VTI1A: variants seen among roughly 807,000 people sequenced by gnomAD.
VTI1A encodes the protein vesicle transport through interaction with t-SNAREs 1A.
A neutral mutation model predicts 34.9 loss-of-function variants in VTI1A; 22 were observed. That is an observed-to-expected ratio of 0.63 (90% CI 0.45 to 0.90). The LOEUF is 0.90. Among genes scored for constraint, VTI1A ranks in the 40% least tolerant of loss-of-function variants. The pLI is 0.00. For missense variants in VTI1A, 268 were observed against 275.6 expected, an observed-to-expected ratio of 0.97 and a Z score of 0.20; for synonymous variants, 87 against 97.3, an observed-to-expected ratio of 0.89 and a Z score of 0.62.
intron 7 of VTI1A, among the ~76,000 whole-genome samples, chr10:112,698,515 T>C (rs1848874384): frequency 6.6e-6 from 1 of 152,230 alleles, no homozygotes; most frequent in Non-Finnish European, 1.5e-5. Flanking sequence ...TAATAATTTA[T>C]TGTGTTAAGT....
chr10:112,817,100 C>T lies in VTI1A; in HGVS notation c.*1717C>T, dbSNP rs576615083. On this transcript the variant is annotated 3_prime_UTR_variant, in exon 8 of 8. Coordinates refer to ENST00000393077, the MANE Select transcript of VTI1A (RefSeq NM_145206.4). ...TGTATTCTGATAACGGAATGCTGTA[C>T]GTGCTGACCACATCTAAGAACCATT... is the stretch of plus-strand genomic sequence containing the variant. The T allele has an allele frequency of 3.9e-5, 9 of 232,472 alleles. No homozygotes were observed. The South Asian group carries it at 1.4e-3, about 37-fold the overall frequency. 14.4% of individuals were successfully genotyped at this position (232,472 alleles called of 1,614,324 possible). A position where few individuals can be genotyped will look rare whatever the true frequency, so the allele number is the denominator to read the frequency against.
intron 5 of VTI1A, among the ~76,000 whole-genome samples, chr10:112,651,192 G>A (rs1411347259): frequency 6.6e-6 from 1 of 152,110 alleles, no homozygotes; most frequent in Middle Eastern, 3.2e-3. Context: ...CTTCCTTCAT[G>A]CTTAAGTGAC....
rs138823380 is a variant in VTI1A, at chr10:112,737,066, T to C, written c.560+68068T>C. ...ACATAGTGGACAATTTTTTTTCTTT[T>C]TTTTTCTTTTTCTTTTTTTTTTTGA... On this transcript the variant is annotated intron_variant, in intron 7 of 7. Transcript: ENST00000393077. 837 of 416,534 alleles carry C rather than the reference T, an allele frequency of 2.0e-3. 9 individuals are homozygous for C. The highest frequency in any genetic ancestry group is 0.016 in the African/African-American group (781 of 49,930). The allele number at this position is 416,534 out of a possible 1,614,324, so 25.8% of individuals were successfully genotyped here.
chr10:112,488,894 A>G (rs978449545), intron 3 of VTI1A, among the ~76,000 whole-genome samples: 1 of 152,106 alleles, frequency 6.6e-6, no homozygotes, highest in Admixed American at 6.5e-5. Flanking sequence ...GTTTTTTTTA[A>G]TTAAAGGAAA....
At position 112,612,143 on chromosome 10, in the gene VTI1A, C is replaced by A. The variant is rs538423247; in HGVS notation, c.428-56075C>A. The stretch of plus-strand genomic sequence containing the variant: ...AGCCATTTTATCGTAAGTTTGAAAA[C>A]TGAGGTATCAGGATTTTCATGTGAC... On this transcript the variant is annotated intron_variant, in intron 5 of 7. Coordinates refer to ENST00000393077, the MANE Select transcript of VTI1A (RefSeq NM_145206.4). Among the ~76,000 whole-genome samples, 3 of 152,180 alleles carry A rather than the reference C, an allele frequency of 2.0e-5. No homozygotes were observed. The South Asian group carries it at 6.2e-4, about 32-fold the overall frequency.
intron 3 of VTI1A, among the ~76,000 whole-genome samples, chr10:112,504,617 A>G (rs1480665651): frequency 6.6e-6 from 1 of 152,188 alleles, no homozygotes; most frequent in Non-Finnish European, 1.5e-5. Flanking sequence ...ACTCTGAACT[A>G]TGTCATTTTT....
At chr10:112,556,553 C>A (rs769184326) in intron 5 of VTI1A, among the ~76,000 whole-genome samples, 2 of 151,924 alleles carry the variant, frequency 1.3e-5, no homozygotes, top group Admixed American at 1.3e-4. Context: ...CATTAATGCT[C>A]ATTAATTTTT....
chr10:112,473,036 T>G (rs1848150744), intron 3 of VTI1A, among the ~76,000 whole-genome samples: 1 of 151,860 alleles, frequency 6.6e-6, no homozygotes, highest in Non-Finnish European at 1.5e-5. Flanking sequence ...TTTTCCAATC[T>G]TCTCTCCCCT....
chr10:112,693,214 A>G (rs1347637235), intron 7 of VTI1A, among the ~76,000 whole-genome samples: 1 of 152,224 alleles, frequency 6.6e-6, no homozygotes, highest in Non-Finnish European at 1.5e-5. Flanking sequence ...TTAAGGGGAA[A>G]GAAGTTAAAT....
intron 5 of VTI1A, among the ~76,000 whole-genome samples, chr10:112,657,821 T>TGTGTGTGTGTG: frequency 7.3e-6 from 1 of 136,342 alleles, no homozygotes; most frequent in Admixed American, 6.9e-5. Context: ...GTGTGTGTGT[T>TGTGTGTGTGTG]TGTGTGTGTA....
chr10:112,767,011 A>G lies in VTI1A; in HGVS notation c.561-48279A>G, dbSNP rs1403663632. Among the ~76,000 whole-genome samples the G allele has an allele frequency of 1.3e-5, 2 of 152,224 alleles. No individual in the cohort carries two copies. Among genetic ancestry groups the G allele is most frequent in the African/African-American group, 4.8e-5 (2 of 41,464 alleles). ...TTAAATCTTGCTCCATATATATTAC[A>G]TATCCTTCAAAGCAGAGTTTAAAGC... is the stretch of plus-strand genomic sequence containing the variant. On this transcript the variant is annotated intron_variant, in intron 7 of 7. Transcript: ENST00000393077. This position sits in a 1 kb window ranked among gnomAD's most constrained non-coding sequence, Gnocchi z 4.0.
intron 7 of VTI1A, among the ~76,000 whole-genome samples, chr10:112,796,313 G>T (rs1276936235): frequency 2.0e-5 from 3 of 151,798 alleles, no homozygotes; most frequent in Non-Finnish European, 4.4e-5. Context: ...GGCTGAGGCA[G>T]GAGAATCACT....
At chr10:112,492,799 T>G (rs1234372127) in intron 3 of VTI1A, among the ~76,000 whole-genome samples, 2 of 150,768 alleles carry the variant, frequency 1.3e-5, no homozygotes, top group African/African-American at 2.4e-5. Flanking sequence ...AAAAAAAAAA[T>G]TGATTGAGTT....
At chr10:112,559,644 C>G (rs1380916670) in intron 5 of VTI1A, among the ~76,000 whole-genome samples, 1 of 152,178 alleles carries the variant, frequency 6.6e-6, no homozygotes, top group African/African-American at 2.4e-5. Context: ...TGGATTATCT[C>G]TTTATCAGCT....
intron 3 of VTI1A, among the ~76,000 whole-genome samples, chr10:112,508,634 G>A (rs1261229972): frequency 6.6e-6 from 1 of 152,076 alleles, no homozygotes; most frequent in Non-Finnish European, 1.5e-5. Flanking sequence ...GTCTAAGAAT[G>A]GTTAGACACC....
intron 7 of VTI1A, among the ~76,000 whole-genome samples, chr10:112,687,094 A>G (rs1848441070): frequency 6.6e-6 from 1 of 151,672 alleles, no homozygotes; most frequent in Non-Finnish European, 1.5e-5. Context: ...ATGGAGGGGT[A>G]GAGGGGAGCC....
intron 7 of VTI1A, among the ~76,000 whole-genome samples, chr10:112,718,658 A>G (rs190838505): frequency 1.3e-5 from 2 of 152,324 alleles, no homozygotes; most frequent in Admixed American, 6.5e-5. Flanking sequence ...CTTCTCATTC[A>G]AGAGTTATCC....
At chr10:112,458,606 A>T (rs1847623031) in intron 1 of VTI1A, among the ~76,000 whole-genome samples, 1 of 151,996 alleles carries the variant, frequency 6.6e-6, no homozygotes, top group African/African-American at 2.4e-5. Flanking sequence ...AGAATCTACT[A>T]ATAATCTAAT....
chr10:112,508,056 A>G (rs769418791), intron 3 of VTI1A, among the ~76,000 whole-genome samples: 1 of 151,914 alleles, frequency 6.6e-6, no homozygotes, highest in African/African-American at 2.4e-5. Flanking sequence ...TTAAGGTGCA[A>G]ACAATAAGTC....
Sources: allele counts gnomAD v4.1 joint callset (sites outside exome capture counted in the v4.1 genomes callset), GRCh38; gene constraint gnomAD v4.1.1; non-coding constraint Gnocchi (gnomAD v3.1); transcripts MANE v1.5; gene names NCBI Gene and HGNC (gene_info 2026-07-23, HGNC 2026-07-21).